COL23A1: variants seen among roughly 807,000 people sequenced by gnomAD.
The protein encoded by COL23A1 is collagen type XXIII alpha 1 chain, also known as collagen alpha-1(XXIII) chain.
A neutral mutation model predicts 99.3 loss-of-function variants in COL23A1; 97 were observed. That is an observed-to-expected ratio of 0.98 (90% CI 0.83 to 1.16). The LOEUF (loss-of-function observed/expected upper bound fraction) is 1.16. COL23A1 is among the 50% of genes most tolerant of loss of function. The pLI is 0.00. For missense variants in COL23A1, 762 were observed against 757.4 expected, an observed-to-expected ratio of 1.01 and a Z score of -0.07; for synonymous variants, 320 against 308.2, an observed-to-expected ratio of 1.04 and a Z score of -0.40.
intron 2 of COL23A1, among the ~76,000 whole-genome samples, chr5:178,401,158 C>T (rs780290143): frequency 1.3e-5 from 2 of 152,236 alleles, no homozygotes; most frequent in Non-Finnish European, 2.9e-5. Context: ...CAAGATTCGT[C>T]CACTTTGTAA....
At chr5:178,343,703 C>T (rs1371963693) in intron 2 of COL23A1, among the ~76,000 whole-genome samples, 1 of 150,618 alleles carries the variant, frequency 6.6e-6, no homozygotes, top group Non-Finnish European at 1.5e-5. Flanking sequence ...GCTCTTGTCG[C>T]CCAGGCTGGA....
rs1165215902 is a variant in COL23A1, at chr5:178,237,626, C to G, written c.*1072G>C. 1 of 152,686 alleles carries G rather than the reference C, an allele frequency of 6.5e-6. No individual in the cohort carries two copies. Among genetic ancestry groups the G allele is most frequent in the Non-Finnish European group, 1.5e-5 (1 of 68,066 alleles). The allele number at this position is 152,686 out of a possible 1,614,324, so 9.5% of individuals were successfully genotyped here. ...AAGGACAGGCACACCCAGACACGCA[C>G]TTGTGGTTTATTACACACAGTGATC... On this transcript the variant is annotated 3_prime_UTR_variant, in exon 29 of 29. Transcript: ENST00000390654.
At chr5:178,263,080 T>A in intron 9 of COL23A1, 128 bp downstream of exon 9, 1 of 782,572 alleles carries the variant, frequency 1.3e-6, no homozygotes, top group East Asian at 2.5e-5. Flanking sequence ...AGGTTCAGTG[T>A]CTGGATTAGG....
rs758110365 is a variant in COL23A1 at position 178,483,938 on chromosome 5, AT to A, written c.361+76743del. 2.5e-3 allele frequency among the ~76,000 whole-genome samples: 371 copies of A among 147,498 alleles called. 2 individuals carry two copies. Among genetic ancestry groups the A allele is most frequent in the African/African-American group, 7.5e-3 (304 of 40,512 alleles). ...GGGTACCGGCTCTGTGCTAGGCAAG[AT>A]TTTTTTTTTTTCTTTGAGGCAGAGT... On this transcript the variant is annotated intron_variant, in intron 2 of 28. Coordinates refer to ENST00000390654, the MANE Select transcript of COL23A1 (RefSeq NM_173465.4).
chr5:178,392,474 C>G (rs966059303), intron 2 of COL23A1, among the ~76,000 whole-genome samples: 5 of 152,180 alleles, frequency 3.3e-5, no homozygotes, highest in Non-Finnish European at 7.3e-5. Flanking sequence ...CAGGGCTGCA[C>G]AGAAGGCCAC....
At chr5:178,301,085 G>A (rs1278645655) in intron 3 of COL23A1, among the ~76,000 whole-genome samples, 1 of 152,086 alleles carries the variant, frequency 6.6e-6, no homozygotes, top group Non-Finnish European at 1.5e-5. Context: ...ACACTCGATA[G>A]TGTCTTTGAG....
rs562803521 is a variant in COL23A1, at chr5:178,247,670, C to T, written c.1269+105G>A. 1,359 of 1,550,206 alleles carry T rather than the reference C, an allele frequency of 8.8e-4. 16 individuals are homozygous for T. The South Asian group carries it at 9.2e-3, about 11-fold the overall frequency. On this transcript the variant is annotated intron_variant, in intron 21 of 28. Transcript: ENST00000390654. ...CTCTGCCCATGTGCCCCTCCCTGAA[C>T]GAAGAAGCCCGCTCTCTCCTGGGTC... is the stretch of plus-strand genomic sequence containing the variant.
intron 3 of COL23A1, among the ~76,000 whole-genome samples, chr5:178,299,339 G>A (rs554132480): frequency 2.0e-5 from 3 of 152,182 alleles, no homozygotes; most frequent in South Asian, 2.1e-4. Flanking sequence ...TTTGTTACAG[G>A]TCTATTCAGA....
intron 2 of COL23A1, among the ~76,000 whole-genome samples, chr5:178,471,586 G>A (rs1274051180): frequency 6.6e-6 from 1 of 152,052 alleles, no homozygotes; most frequent in Non-Finnish European, 1.5e-5. Context: ...GGGCCTTGCT[G>A]GCCAGGGAGA....
rs1758563895 is a variant in COL23A1, at chr5:178,309,704, C to T, written c.362-2785G>A. On this transcript the variant is annotated intron_variant, in intron 2 of 28. Transcript: ENST00000390654. The surrounding 1 kb of genome is among the most constrained non-coding windows in gnomAD (Gnocchi z 4.7). ...GCACCCAAGCAGTCAAGCCAGAGAC[C>T]CCCCCCCGGGCATCATCCTGCCCCA... Among the ~76,000 whole-genome samples, 1 of 166 alleles carries T rather than the reference C, an allele frequency of 6.0e-3. No individual in the cohort carries two copies. Among genetic ancestry groups the T allele is most frequent in the Non-Finnish European group, 0.013 (1 of 76 alleles). The allele number at this position is 166 out of a possible 152,430, so 0.1% of individuals were successfully genotyped here.
intron 4 of COL23A1, among the ~76,000 whole-genome samples, chr5:178,289,489 A>G (rs1757333864): frequency 6.6e-6 from 1 of 152,160 alleles, no homozygotes; most frequent in Non-Finnish European, 1.5e-5. Flanking sequence ...AAATGCAGTG[A>G]CATTTTCCTC....
rs182181154 is a variant in COL23A1 at position 178,285,374 on chromosome 5, A to G, written c.441+2950T>C. 4.2e-3 allele frequency among the ~76,000 whole-genome samples: 642 copies of G among 152,354 alleles called. 1 individual carries two copies. The highest frequency in any genetic ancestry group is 0.01 in the Middle Eastern group (3 of 294). On this transcript the variant is annotated intron_variant, in intron 5 of 28. Transcript: ENST00000390654. ...CTCCCTGAGGCTGGTCCTGAAGTTT[A>G]CTAAGCTACAAAAAAACACAAAAAA...
At chr5:178,498,308 T>C (rs1253043466) in intron 2 of COL23A1, among the ~76,000 whole-genome samples, 2 of 140,546 alleles carry the variant, frequency 1.4e-5, no homozygotes, top group Non-Finnish European at 3.1e-5. Flanking sequence ...AGAAACACAT[T>C]TTACCTTTAA....
chr5:178,498,190 C>A (rs1758292989), intron 2 of COL23A1, among the ~76,000 whole-genome samples: 1 of 116,584 alleles, frequency 8.6e-6, no homozygotes, highest in Non-Finnish European at 1.8e-5. Flanking sequence ...CATGGCGAGA[C>A]CCTGTCTTTA....
chr5:178,408,975 TACACACACACACACACACACAC>T (rs61457266), intron 2 of COL23A1, among the ~76,000 whole-genome samples: 37 of 101,656 alleles, frequency 3.6e-4, no homozygotes, highest in Admixed American at 2.9e-3. Flanking sequence ...AAAAAAAAAA[TACACACACACACACACACACAC>T]ACACACACAC....
At chr5:178,263,392 C>T in intron 8 of COL23A1, 68 bp from the exon 9 acceptor site, 1 of 992,528 alleles carries the variant, frequency 1.0e-6, no homozygotes, top group Non-Finnish European at 1.5e-6. Flanking sequence ...GAGGCTCCCT[C>T]AGATGGGCAG....
intron 2 of COL23A1, among the ~76,000 whole-genome samples, chr5:178,507,538 C>G (rs1018849316): frequency 1.3e-5 from 2 of 152,154 alleles, no homozygotes; most frequent in African/African-American, 4.8e-5. Context: ...GGTGCATGGT[C>G]GACAGTCAAT....
At chr5:178,388,361 G>T (rs964600049) in intron 2 of COL23A1, among the ~76,000 whole-genome samples, 3 of 152,242 alleles carry the variant, frequency 2.0e-5, no homozygotes, top group African/African-American at 4.8e-5. Context: ...CAAAGGTGAA[G>T]AAAGGCCAGA....
intron 2 of COL23A1, among the ~76,000 whole-genome samples, chr5:178,383,065 T>C (rs1763471312): frequency 1.3e-5 from 2 of 152,126 alleles, no homozygotes; most frequent in Admixed American, 1.3e-4. Context: ...GGCTGGGGGC[T>C]GCTGGTGCAT....
Sources: allele counts gnomAD v4.1 joint callset (sites outside exome capture counted in the v4.1 genomes callset), GRCh38; gene constraint gnomAD v4.1.1; non-coding constraint Gnocchi (gnomAD v3.1); transcripts MANE v1.5; gene names NCBI Gene and HGNC (gene_info 2026-07-23, HGNC 2026-07-21).